The following SAFB2 variants were observed in gnomAD, a reference collection of about 807,000 sequenced individuals.
SAFB2 encodes the protein scaffold attachment factor B2.
Under a neutral mutation model 100.6 loss-of-function variants are expected in SAFB2, and 32 were observed. That is an observed-to-expected ratio of 0.32 (90% CI 0.24 to 0.43). The LOEUF is 0.43. Ranked by LOEUF, SAFB2 falls within the 20% of genes least tolerant of loss-of-function variation. The pLI is 1.00. For synonymous variants in SAFB2, 500 were observed against 439.4 expected (o/e 1.14, Z -1.72); for missense variants, 1,185 against 1,163.4 (o/e 1.02, Z -0.27).
At position 5,587,273 on chromosome 19, in the gene SAFB2, G is replaced by C. The variant is rs200242558; in HGVS notation, c.2832C>G (p.Pro944=). The C allele has an allele frequency of 3.7e-5, 60 of 1,613,290 alleles. No individual in the cohort carries two copies. Among genetic ancestry groups the C allele is most frequent in the Non-Finnish European group, 4.6e-5 (54 of 1,179,792 alleles). Residue 944 remains proline, a synonymous_variant, in exon 21 of 21, where the codon CCC becomes CCG. Coordinates refer to ENST00000252542, the MANE Select transcript of SAFB2 (RefSeq NM_014649.3). This position sits in a 1 kb window ranked among gnomAD's most constrained non-coding sequence, Gnocchi z 4.9. ...AGCGGCGGGTGAAGTGGGGGTACGG[G>C]GGGGGATGAGGGTGTGGGTGAGGGA... ...SRVPHPHPHP[P]PYPHFTRRY is the part of the protein sequence containing the mutation.
intron 9 of SAFB2, 24 bp downstream of exon 9, chr19:5,609,971 G>A (rs2052871918): frequency 1.9e-6 from 3 of 1,589,154 alleles, no homozygotes; most frequent in Non-Finnish European, 1.7e-6. Context: ...CACAGTGGAT[G>A]GTATGAGGCA....
chr19:5,604,414 T>C (rs1162204974), intron 11 of SAFB2, among the ~76,000 whole-genome samples, 169 bp downstream of exon 11: 1 of 151,992 alleles, frequency 6.6e-6, no homozygotes, highest in Non-Finnish European at 1.5e-5. Context: ...AAATAAAAGC[T>C]GAATATTAAA....
intron 13 of SAFB2, among the ~76,000 whole-genome samples, chr19:5,596,633 G>T (rs111477461): frequency 6.6e-6 from 1 of 152,108 alleles, no homozygotes; most frequent in African/African-American, 2.4e-5. Context: ...GTGAGCCACC[G>T]CACCCAGCCT....
intron 18 of SAFB2, 117 bp downstream of exon 18, chr19:5,590,161 A>T: frequency 2.2e-6 from 2 of 915,714 alleles, no homozygotes; most frequent in Middle Eastern, 2.7e-4. Context: ...GACCCCTGGT[A>T]GCCCATCCTA....
rs766138448 is a variant in SAFB2 at position 5,587,268 on chromosome 19, T to C, written c.2837A>G (p.Tyr946Cys). The C allele has an allele frequency of 1.9e-6, 3 of 1,559,426 alleles. No homozygotes were observed. The highest frequency in any genetic ancestry group is 2.3e-5 in the East Asian group (1 of 44,300). The change falls in exon 21 of 21, where the codon TAC becomes TGC. Residue 946 changes from tyrosine (Y) to cysteine (C), a missense_variant. Tyr to Cys is a radical substitution (Grantham distance 194, BLOSUM62 -2). Around this residue, in one of 3 missense-constraint regions of SAFB2, gnomAD observed 740 missense variants for 687.1 expected, o/e 1.08. Coordinates refer to ENST00000252542, the MANE Select transcript of SAFB2 (RefSeq NM_014649.3). The surrounding 1 kb of genome is among the most constrained non-coding windows in gnomAD (Gnocchi z 4.9). The stretch of plus-strand genomic sequence containing the variant: ...TTAGTAGCGGCGGGTGAAGTGGGGG[T>C]ACGGGGGGGGATGAGGGTGTGGGTG... ...VPHPHPHPPP[Y>C]PHFTRRY
chr19:5,593,002 A>G, intron 15 of SAFB2, 115 bp from the exon 16 acceptor site: 2 of 936,064 alleles, frequency 2.1e-6, no homozygotes, highest in African/African-American at 1.6e-5. Context: ...TATCGTTTAA[A>G]ATGTCCTGCA....
At chr19:5,616,070 C>T in intron 4 of SAFB2, 62 bp downstream of exon 4, 1 of 1,495,956 alleles carries the variant, frequency 6.7e-7, no homozygotes. Flanking sequence ...ACACGAGCAG[C>T]ACGCGAGCAC....
In SAFB2 at chr19:5,601,140, T is replaced by C. The variant is rs145526040; in HGVS notation, c.1560-880A>G. 5.0e-4 allele frequency among the ~76,000 whole-genome samples: 76 copies of C among 152,172 alleles called. 1 individual carries two copies. The highest frequency in any genetic ancestry group is 1.7e-3 in the African/African-American group (70 of 41,520). ...CCTTCTCAACCTCCACATCATGGAG[T>C]TGTCTTTAAAAAAAATATATATATA... On this transcript the variant is annotated intron_variant, in intron 11 of 20. Coordinates refer to ENST00000252542, the MANE Select transcript of SAFB2 (RefSeq NM_014649.3).
rs745320920 is a variant in SAFB2, at chr19:5,594,087, C to G, written c.2011G>C (p.Glu671Gln). The change falls in exon 15 of 21, where the codon GAG becomes CAG. Residue 671 changes from glutamate to glutamine, a missense_variant. Glu to Gln is a conservative substitution (Grantham distance 29, BLOSUM62 2). Transcript: ENST00000252542. ...CGCTCCAGCCGCTGGCGCTGGCACT[C>G]GAGCTGCAGGCGTTCCCGCTGTAGC... is the stretch of plus-strand genomic sequence containing the variant. The part of the protein sequence containing the change: ...ARLQRERLQL[E>Q]CQRQRLERER... 6 of 1,597,464 alleles carry G rather than the reference C, an allele frequency of 3.8e-6. No individual in the cohort carries two copies. The highest frequency in any genetic ancestry group is 5.1e-6 in the Non-Finnish European group (6 of 1,176,778).
At chr19:5,609,415 C>G (rs1435888751) in intron 9 of SAFB2, among the ~76,000 whole-genome samples, 1 of 151,486 alleles carries the variant, frequency 6.6e-6, no homozygotes, top group South Asian at 2.1e-4. Context: ...GTGATTCTCC[C>G]ACCTCAGCTT....
chr19:5,589,888 G>T (rs940709613), intron 18 of SAFB2, among the ~76,000 whole-genome samples: 1 of 152,128 alleles, frequency 6.6e-6, no homozygotes, highest in African/African-American at 2.4e-5. Context: ...GAAAAAACCC[G>T]AGGAAGACAC....
At position 5,594,054 on chromosome 19, in the gene SAFB2, T is replaced by C. The variant is rs548751633; in HGVS notation, c.2044A>G (p.Met682Val). Residue 682 changes from methionine (M) to valine (V), a missense_variant, in exon 15 of 21, where the codon ATG becomes GTG. Met to Val is a conservative substitution (Grantham distance 21). Coordinates refer to ENST00000252542, the MANE Select transcript of SAFB2 (RefSeq NM_014649.3). Reference sequence around the variant, plus strand: ...TCGCGCTCCAGCCGCTCCCGCTCCATGCGCTCCCGCTCCAGCCGCTGGCGC... The same window carrying C: ...TCGCGCTCCAGCCGCTCCCGCTCCACGCGCTCCCGCTCCAGCCGCTGGCGC... ...CQRQRLERERMERERLERERM... is the reference protein window; with the variant it reads ...CQRQRLERERVERERLERERM... 6 of 1,586,138 alleles carry C rather than the reference T, an allele frequency of 3.8e-6. No individual in the cohort carries two copies. The East Asian group carries it at 9.1e-5, about 24-fold the overall frequency.
intron 9 of SAFB2, 51 bp downstream of exon 9, chr19:5,609,944 C>T (rs1464559777): frequency 6.6e-7 from 1 of 1,512,700 alleles, no homozygotes; most frequent in Non-Finnish European, 9.1e-7. Flanking sequence ...AGCAGAGCTT[C>T]CTTTTTAACT....
chr19:5,592,966 G>T, intron 15 of SAFB2, 79 bp from the exon 16 acceptor site: 2 of 1,410,580 alleles, frequency 1.4e-6, no homozygotes, highest in South Asian at 2.5e-5. Flanking sequence ...TGGAGGTGGG[G>T]AGGGGAGCTC....
intron 12 of SAFB2, 60 bp from the exon 13 acceptor site, chr19:5,598,944 A>C: frequency 6.7e-7 from 1 of 1,495,986 alleles, no homozygotes; most frequent in South Asian, 1.1e-5. Context: ...TCCCGCAGTA[A>C]ACAGCACTCT....
chr19:5,590,469 C>T (rs966506873), intron 17 of SAFB2, 61 bp from the exon 18 acceptor site: 162 of 1,518,348 alleles, frequency 1.1e-4, no homozygotes, highest in Non-Finnish European at 1.3e-4. Context: ...GCCCACCTTC[C>T]GGAAGGCCTG....
At chr19:5,598,635 C>CTTT in intron 13 of SAFB2, 158 bp downstream of exon 13, 1 of 649,110 alleles carries the variant, frequency 1.5e-6, no homozygotes, top group Admixed American at 2.3e-5. Context: ...CACCAGGATT[C>CTTT]ATGTGTGTGT....
intron 16 of SAFB2, 67 bp from the exon 17 acceptor site, chr19:5,591,860 A>C: frequency 6.7e-7 from 1 of 1,500,878 alleles, no homozygotes; most frequent in Non-Finnish European, 9.3e-7. Flanking sequence ...AGGTCAGGCA[A>C]GTTTCGCGAC....
chr19:5,613,742 G>A (rs2052961903), intron 4 of SAFB2: 1 of 985,448 alleles, frequency 1.0e-6, no homozygotes, highest in African/African-American at 1.7e-5. Flanking sequence ...TGGCCTGCAG[G>A]TGGGTATGCC....
Sources: gnomAD v4.1 joint callset for allele counts (sites outside exome capture counted in the v4.1 genomes callset) on GRCh38, gnomAD v4.1.1 for gene constraint, gnomAD v4.1.1 regional missense constraint, Gnocchi (gnomAD v3.1) non-coding constraint, MANE v1.5 for transcripts, NCBI Gene and HGNC (gene_info 2026-07-23, HGNC 2026-07-21) for gene names.